Variants in CA13 observed in about 807,000 individuals in gnomAD.
CA13 encodes carbonic anhydrase 13, also known as CA-XIII.
A neutral mutation model predicts 31.5 loss-of-function variants in CA13; 21 were observed. That is an observed-to-expected ratio of 0.67 (90% confidence interval 0.47 to 0.96). The LOEUF (loss-of-function observed/expected upper bound fraction) is 0.96, where lower values mean the gene tolerates loss of function less well. Ranked by LOEUF, CA13 falls within the 40% of genes least tolerant of loss-of-function variation. The pLI is 0.00. For synonymous variants in CA13, 117 were observed against 111.4 expected (o/e 1.05, Z -0.32); for missense variants, 315 against 318.9 (o/e 0.99, Z 0.09).
intron 6 of CA13, among the ~76,000 whole-genome samples, chr8:85,275,773 C>A (rs775287883): frequency 1.3e-5 from 2 of 152,202 alleles, no homozygotes; most frequent in Non-Finnish European, 1.5e-5. Flanking sequence ...TTAACTTTTC[C>A]CCGATTCAAC....
intron 3 of CA13, among the ~76,000 whole-genome samples, chr8:85,260,109 G>C (rs753409438): frequency 6.6e-6 from 1 of 151,174 alleles, no homozygotes; most frequent in Non-Finnish European, 1.5e-5. Context: ...CTGTTATTCA[G>C]TTTATTGGTA....
At chr8:85,250,999 C>CTA in intron 2 of CA13, 62 bp downstream of exon 2, 2 of 903,642 alleles carry the variant, frequency 2.2e-6, no homozygotes, top group Non-Finnish European at 3.3e-6. Context: ...TTAGACTATA[C>CTA]TCTTTTTTTT....
Position 85,266,221 on chromosome 8 carries a change from C to T in CA13, c.355-387C>T, listed in dbSNP as rs565669003. On this transcript the variant is annotated intron_variant, in intron 3 of 6. Transcript: ENST00000321764. ...TTATTTATTTTCTGATATGAAGTGT[C>T]GCTCTGTTGCTCAGGCTGGAGTGTG... 4.6e-5 allele frequency among the ~76,000 whole-genome samples: 7 copies of T among 152,284 alleles called. No individual in the cohort carries two copies. In the South Asian group the frequency reaches 6.2e-4, roughly 14 times the overall value.
At chr8:85,250,233 A>C (rs1813803076) in intron 1 of CA13, among the ~76,000 whole-genome samples, 1 of 152,228 alleles carries the variant, frequency 6.6e-6, no homozygotes, top group African/African-American at 2.4e-5. Flanking sequence ...TGGAGGCCTG[A>C]GTGACACTAG....
At chr8:85,249,274 G>A (rs996222504) in intron 1 of CA13, among the ~76,000 whole-genome samples, 5 of 152,112 alleles carry the variant, frequency 3.3e-5, no homozygotes. Context: ...TGAGACATGC[G>A]GATCACTTGA....
intron 2 of CA13, among the ~76,000 whole-genome samples, chr8:85,256,855 A>G (rs905521728): frequency 2.6e-5 from 4 of 152,162 alleles, no homozygotes; most frequent in African/African-American, 9.7e-5. Context: ...ATATGCTCTG[A>G]GTAAAATAAG....
intron 1 of CA13, chr8:85,246,687 G>C (rs1813737817): frequency 3.0e-6 from 1 of 338,692 alleles, no homozygotes; most frequent in Non-Finnish European, 5.8e-6. Context: ...TGAACTGATT[G>C]TTTAAATAAT....
At chr8:85,252,845 T>C (rs1807217919) in intron 2 of CA13, among the ~76,000 whole-genome samples, 2 of 152,326 alleles carry the variant, frequency 1.3e-5, no homozygotes, top group South Asian at 2.1e-4. Flanking sequence ...AGTAGTAATA[T>C]CTTGTATTTA....
chr8:85,276,348 C>G (rs1274657400), intron 6 of CA13, among the ~76,000 whole-genome samples: 2 of 152,188 alleles, frequency 1.3e-5, no homozygotes, highest in Admixed American at 6.5e-5. Context: ...CTTCCCCAAA[C>G]GATCGCTGCC....
At position 85,282,280 on chromosome 8, in the gene CA13, G is replaced by A. The variant is rs1248247648; in HGVS notation, c.*931G>A. On this transcript the variant is annotated 3_prime_UTR_variant, in exon 7 of 7. Coordinates refer to ENST00000321764, the MANE Select transcript of CA13 (RefSeq NM_198584.3). ...CAAAAATATTCCATATAGTCTTGGTGAGGAATTCCCCAGGATATAAATGGC... is the reference window on the plus strand; with the variant it reads ...CAAAAATATTCCATATAGTCTTGGTAAGGAATTCCCCAGGATATAAATGGC... 6.6e-6 allele frequency: 1 copy of A among 152,612 alleles called. No individual in the cohort carries two copies. Among genetic ancestry groups the A allele is most frequent in the Non-Finnish European group, 1.5e-5 (1 of 68,036 alleles). 9.5% of individuals were successfully genotyped at this position (152,612 alleles called of 1,614,324 possible). A position where few individuals can be genotyped will look rare whatever the true frequency, so the allele number is the denominator to read the frequency against.
intron 6 of CA13, among the ~76,000 whole-genome samples, chr8:85,280,173 A>G (rs557263583): frequency 8.5e-5 from 13 of 152,244 alleles, no homozygotes; most frequent in African/African-American, 3.1e-4. Flanking sequence ...CCAGCTACTT[A>G]GGAGGCTGAG....
At chr8:85,263,191 T>C (rs562215327) in intron 3 of CA13, among the ~76,000 whole-genome samples, 7 of 152,198 alleles carry the variant, frequency 4.6e-5, no homozygotes, top group African/African-American at 1.7e-4. Flanking sequence ...ATTGGCCTAT[T>C]AGGATTGGAA....
chr8:85,278,966 G>A (rs540950581), intron 6 of CA13, among the ~76,000 whole-genome samples: 2 of 152,260 alleles, frequency 1.3e-5, no homozygotes, highest in South Asian at 4.1e-4. Context: ...ACTTAACACA[G>A]TGCCTAGTCC....
chr8:85,275,332 G>GT (rs1807586687), intron 6 of CA13, among the ~76,000 whole-genome samples: 1 of 152,110 alleles, frequency 6.6e-6, no homozygotes, highest in Non-Finnish European at 1.5e-5. Flanking sequence ...TACTGGAAGT[G>GT]TGCAGGACTG....
chr8:85,276,958 AC>A (rs1388974379), intron 6 of CA13, among the ~76,000 whole-genome samples: 5 of 152,098 alleles, frequency 3.3e-5, no homozygotes, highest in Admixed American at 1.3e-4. Context: ...ACCAATCGAC[AC>A]TCTGTATCTA....
At chr8:85,259,219 T>A (rs1451438166) in intron 2 of CA13, among the ~76,000 whole-genome samples, 1 of 152,226 alleles carries the variant, frequency 6.6e-6, no homozygotes, top group Non-Finnish European at 1.5e-5. Flanking sequence ...GTATTGTGGA[T>A]GCTTTAAGCT....
chr8:85,266,083 T>C (rs1807451644), intron 3 of CA13, among the ~76,000 whole-genome samples: 1 of 152,202 alleles, frequency 6.6e-6, no homozygotes, highest in Non-Finnish European at 1.5e-5. Flanking sequence ...GGCTGCTCCA[T>C]TGCAGTCTCA....
rs763159977 is a variant in CA13, at chr8:85,250,920, A to G, written c.218A>G (p.Asp73Gly). 2.4e-5 allele frequency: 39 copies of G among 1,613,634 alleles called. No homozygotes were observed. In the South Asian group the frequency reaches 4.1e-4, roughly 17 times the overall value. ...CATTCCTTCAATGTTGACTTTGATG[A>G]CACAGAGAACAAATCAGGTTGGCTT... Reference protein sequence around the residue: ...SGHSFNVDFDDTENKSVLRGG... With the variant: ...SGHSFNVDFDGTENKSVLRGG... The change falls in exon 2 of 7, where the codon GAC (aspartate) becomes GGC (glycine). Residue 73 changes from aspartate to glycine, a missense_variant. Transcript: ENST00000321764.
intron 5 of CA13, 106 bp downstream of exon 5, chr8:85,268,070 A>AT: frequency 1.5e-6 from 1 of 684,400 alleles, no homozygotes; most frequent in South Asian, 2.4e-5. Flanking sequence ...GAAGTTTGCA[A>AT]CATACTTGAT....
Sources: allele counts gnomAD v4.1 joint callset (sites outside exome capture counted in the v4.1 genomes callset), GRCh38; gene constraint gnomAD v4.1.1; transcripts MANE v1.5; gene names NCBI Gene and HGNC (gene_info 2026-07-23, HGNC 2026-07-21).